The following PTPRD variants were observed in gnomAD, a reference collection of about 807,000 sequenced individuals.
PTPRD encodes the protein receptor-type tyrosine-protein phosphatase delta.
A neutral mutation model predicts 214.5 loss-of-function variants in PTPRD; 34 were observed. The observed-to-expected ratio is 0.16, with a 90% CI of 0.12 to 0.21. The LOEUF is 0.21. PTPRD is among the 10% of genes least tolerant of loss of function. PTPRD has a pLI of 1.00. For synonymous variants in PTPRD, 1,128 were observed against 845.7 expected (o/e 1.33, Z -5.79); for missense variants, 2,545 against 2,398.7 (o/e 1.06, Z -1.27).
chr9:8,455,602 C>T (rs2096162241), intron 33 of PTPRD, among the ~76,000 whole-genome samples: 1 of 152,112 alleles, frequency 6.6e-6, no homozygotes, highest in Non-Finnish European at 1.5e-5. Context: ...CAATCCATCT[C>T]TTTTCAAAAA....
At chr9:9,773,193 G>A (rs1187787887) in intron 5 of PTPRD, among the ~76,000 whole-genome samples, 1 of 152,088 alleles carries the variant, frequency 6.6e-6, no homozygotes, top group Non-Finnish European at 1.5e-5. Flanking sequence ...TCCCTTTAAT[G>A]TAAACCTCCT....
intron 10 of PTPRD, among the ~76,000 whole-genome samples, chr9:9,040,080 C>T (rs1458531947): frequency 6.6e-6 from 1 of 151,950 alleles, no homozygotes; most frequent in African/African-American, 2.4e-5. Flanking sequence ...TATTGAGGAT[C>T]TACTCTGTGC....
intron 3 of PTPRD, among the ~76,000 whole-genome samples, chr9:10,106,135 T>C (rs2098630179): frequency 6.6e-6 from 1 of 151,768 alleles, no homozygotes; most frequent in Non-Finnish European, 1.5e-5. Flanking sequence ...CAATAAGTTT[T>C]TGAATTCAAT....
chr9:8,685,010 G>T (rs969509579), intron 12 of PTPRD, among the ~76,000 whole-genome samples: 1 of 152,100 alleles, frequency 6.6e-6, no homozygotes, highest in Non-Finnish European at 1.5e-5. Flanking sequence ...CTCTTCTGGG[G>T]ATGGGCTGTG....
At chr9:10,472,605 G>C (rs945976519) in intron 2 of PTPRD, among the ~76,000 whole-genome samples, 2 of 152,016 alleles carry the variant, frequency 1.3e-5, no homozygotes, top group African/African-American at 4.8e-5. Context: ...CACAATGTTT[G>C]GGATAACTCT....
At chr9:10,456,675 A>T (rs1444734411) in intron 2 of PTPRD, among the ~76,000 whole-genome samples, 2 of 151,880 alleles carry the variant, frequency 1.3e-5, no homozygotes, top group Non-Finnish European at 2.9e-5. Context: ...AGATTCAGAG[A>T]TTCATCTTTT....
intron 10 of PTPRD, among the ~76,000 whole-genome samples, chr9:9,075,321 A>G (rs980894772): frequency 1.3e-5 from 2 of 152,066 alleles, no homozygotes; most frequent in Admixed American, 1.3e-4. Flanking sequence ...ATACTCAGTT[A>G]TTTTTAAAAG....
rs569645231 is a variant in PTPRD, at chr9:9,923,721, G to T, written c.-368+14786C>A. On this transcript the variant is annotated intron_variant, in intron 5 of 45. Coordinates refer to ENST00000381196, the MANE Select transcript of PTPRD (RefSeq NM_002839.4). ...AAGAAAATGCTCAATCAGATGGAAGGGTGGAGGAGGTAAGCTCATTGAAGA... is the reference window on the plus strand; with the variant it reads ...AAGAAAATGCTCAATCAGATGGAAGTGTGGAGGAGGTAAGCTCATTGAAGA... Among the ~76,000 whole-genome samples, 18 of 152,026 alleles carry T rather than the reference G, an allele frequency of 1.2e-4. No homozygotes were observed. The East Asian group carries it at 3.3e-3, about 28-fold the overall frequency.
At chr9:9,066,123 G>T (rs1056655445) in intron 10 of PTPRD, among the ~76,000 whole-genome samples, 22 of 143,770 alleles carry the variant, frequency 1.5e-4, no homozygotes, top group Non-Finnish European at 3.5e-4. Flanking sequence ...AATGACTGAA[G>T]TTAATATTTA....
chr9:9,910,904 C>T (rs117524472), intron 5 of PTPRD, among the ~76,000 whole-genome samples: 3,778 of 152,120 alleles, frequency 0.025, 56 homozygotes, highest in Non-Finnish European at 0.03. Context: ...ACAATCATTA[C>T]ATTATGGGCT....
chr9:9,189,359 C>T (rs1201530339), intron 9 of PTPRD, among the ~76,000 whole-genome samples: 2 of 152,044 alleles, frequency 1.3e-5, no homozygotes, highest in African/African-American at 4.8e-5. Context: ...TAGTTAACTG[C>T]AGATATAGAA....
chr9:9,018,400 T>C (rs2154367542), intron 11 of PTPRD, among the ~76,000 whole-genome samples: 1 of 152,282 alleles, frequency 6.6e-6, no homozygotes, highest in Middle Eastern at 3.4e-3. Flanking sequence ...TAGATGTGTA[T>C]TTGCTCTTCC....
intron 12 of PTPRD, among the ~76,000 whole-genome samples, chr9:8,646,514 C>A (rs940547324): frequency 6.6e-6 from 1 of 152,112 alleles, no homozygotes; most frequent in Non-Finnish European, 1.5e-5. Flanking sequence ...CATCTCGATG[C>A]CTCAGTACAG....
intron 12 of PTPRD, among the ~76,000 whole-genome samples, chr9:8,683,426 G>C (rs987094599): frequency 6.6e-6 from 1 of 151,464 alleles, no homozygotes; most frequent in Admixed American, 6.6e-5. Flanking sequence ...GAGAGAGAGA[G>C]AAAAGGAAAT....
intron 9 of PTPRD, among the ~76,000 whole-genome samples, chr9:9,371,792 C>T (rs1039795509): frequency 6.6e-6 from 1 of 152,076 alleles, no homozygotes; most frequent in African/African-American, 2.4e-5. Context: ...GAATGTGTCC[C>T]AGAGATTCTG....
intron 2 of PTPRD, among the ~76,000 whole-genome samples, chr9:10,593,156 A>T (rs774476867): frequency 7.2e-5 from 11 of 151,972 alleles, no homozygotes; most frequent in Non-Finnish European, 1.3e-4. Flanking sequence ...AAATAAGAAG[A>T]ACATAGAGTT....
chr9:10,168,158 T>C (rs1361335955), intron 3 of PTPRD, among the ~76,000 whole-genome samples: 1 of 152,238 alleles, frequency 6.6e-6, no homozygotes, highest in East Asian at 1.9e-4. Context: ...TTACAAAATA[T>C]ATGAAAATTG....
intron 9 of PTPRD, among the ~76,000 whole-genome samples, chr9:9,241,581 T>C (rs554329436): frequency 2.0e-5 from 3 of 152,180 alleles, no homozygotes; most frequent in South Asian, 4.1e-4. Flanking sequence ...GCTTTACAGG[T>C]GGGTAAAAAA....
chr9:8,497,577 T>C (rs958418214), intron 25 of PTPRD, among the ~76,000 whole-genome samples: 4 of 152,230 alleles, frequency 2.6e-5, no homozygotes, highest in Non-Finnish European at 5.9e-5. Context: ...CGTATTTATT[T>C]TGACTTCTAT....
Sources: allele counts gnomAD v4.1 joint callset (sites outside exome capture counted in the v4.1 genomes callset), GRCh38; gene constraint gnomAD v4.1.1; transcripts MANE v1.5; gene names NCBI Gene and HGNC (gene_info 2026-07-23, HGNC 2026-07-21).